The following CEP112 variants were observed in gnomAD, a reference collection of about 807,000 sequenced individuals.
CEP112 encodes centrosomal protein 112.
CEP112 carries 127 observed loss-of-function variants against 153.0 expected under a neutral mutation model. The ratio of observed to expected loss-of-function variants is 0.83; its 90% CI spans 0.72 to 0.96. The LOEUF is 0.96. Among genes scored for constraint, CEP112 ranks in the 40% least tolerant of loss-of-function variants. The pLI is 0.00. For missense variants in CEP112, 1,089 were observed against 1,101.2 expected (o/e 0.99, Z 0.16); for synonymous variants, 358 against 374.4 (o/e 0.96, Z 0.51).
intron 22 of CEP112, among the ~76,000 whole-genome samples, chr17:65,747,468 G>C (rs1459910515): frequency 2.0e-5 from 3 of 152,156 alleles, no homozygotes; most frequent in African/African-American, 7.2e-5. Flanking sequence ...TGGACATTCT[G>C]GCAAAATGGC....
Position 65,902,240 on chromosome 17 carries a change from C to T in CEP112, c.2075G>A (p.Arg692Gln), listed in dbSNP as rs1369572754. 9.3e-6 allele frequency: 15 copies of T among 1,613,866 alleles called. No individual in the cohort carries two copies. Among genetic ancestry groups the T allele is most frequent in the East Asian group, 2.2e-5 (1 of 44,866 alleles). ...CTGTTTTTCCAGGTTTTCAATTTCC[C>T]GTTCATGGTCTCGGACTAGGCTATC... ...EKDSLVRDHEREIENLEKQLR... is the reference protein window; with the variant it reads ...EKDSLVRDHEQEIENLEKQLR... The change falls in exon 20 of 27, where the codon CGG becomes CAG. Residue 692 changes from arginine (R) to glutamine (Q), a missense_variant. Arg to Gln is a conservative substitution (Grantham distance 43). Coordinates refer to ENST00000535342, the MANE Select transcript of CEP112 (RefSeq NM_001199165.4).
At chr17:65,920,372 T>TATATATATAG in intron 19 of CEP112, among the ~76,000 whole-genome samples, 1 of 73,142 alleles carries the variant, frequency 1.4e-5, no homozygotes, top group Admixed American at 1.7e-4. Context: ...AATATATATA[T>TATATATATAG]ATATATATAT....
At chr17:65,788,153 C>T (rs907460045) in intron 21 of CEP112, among the ~76,000 whole-genome samples, 1 of 152,114 alleles carries the variant, frequency 6.6e-6, no homozygotes, top group African/African-American at 2.4e-5. Flanking sequence ...CTTTTCTTTA[C>T]CTGAGATGAT....
At chr17:65,967,569 A>G (rs2062458666) in intron 17 of CEP112, among the ~76,000 whole-genome samples, 1 of 152,190 alleles carries the variant, frequency 6.6e-6, no homozygotes, top group South Asian at 2.1e-4. Context: ...AAATGATGCA[A>G]TATCGTACAC....
At chr17:65,665,456 T>C (rs1280289989) in intron 24 of CEP112, among the ~76,000 whole-genome samples, 2 of 152,184 alleles carry the variant, frequency 1.3e-5, no homozygotes, top group Admixed American at 6.5e-5. Context: ...AGGTCTCTGC[T>C]AGAATTAGAG....
At chr17:66,016,901 G>A (rs2064799454) in intron 16 of CEP112, among the ~76,000 whole-genome samples, 1 of 152,132 alleles carries the variant, frequency 6.6e-6, no homozygotes, top group Non-Finnish European at 1.5e-5. Flanking sequence ...CAGATGGCAT[G>A]GATTTGTGTC....
chr17:66,178,887 CAAG>C (rs1450975453), intron 2 of CEP112, among the ~76,000 whole-genome samples: 1 of 152,060 alleles, frequency 6.6e-6, no homozygotes, highest in East Asian at 1.9e-4. Flanking sequence ...TTACTTTGTA[CAAG>C]AAGATACAAA....
intron 8 of CEP112, among the ~76,000 whole-genome samples, chr17:66,070,240 A>C (rs540996212): frequency 7.9e-5 from 12 of 152,288 alleles, no homozygotes; most frequent in Admixed American, 1.3e-4. Context: ...AAAACTGACA[A>C]TATGAAGTAC....
intron 17 of CEP112, among the ~76,000 whole-genome samples, chr17:65,970,475 T>G (rs80126287): frequency 0.05 from 2,808 of 55,620 alleles, 18 homozygotes; most frequent in South Asian, 0.23. Flanking sequence ...CATGCATGTA[T>G]ATTACATGCA....
At chr17:66,074,556 A>G (rs1051855259) in intron 8 of CEP112, among the ~76,000 whole-genome samples, 1 of 152,098 alleles carries the variant, frequency 6.6e-6, no homozygotes, top group African/African-American at 2.4e-5. Context: ...CAAACTGCTG[A>G]AAAACAAAAA....
intron 7 of CEP112, 113 bp from the exon 8 acceptor site, chr17:66,096,441 G>A (rs2068347969): frequency 6.8e-6 from 8 of 1,168,774 alleles, no homozygotes; most frequent in African/African-American, 1.5e-5. Context: ...TAACACTGCA[G>A]GAAAAAATCA....
intron 19 of CEP112, among the ~76,000 whole-genome samples, chr17:65,908,912 C>T (rs1231923320): frequency 6.6e-6 from 1 of 152,132 alleles, no homozygotes; most frequent in Admixed American, 6.5e-5. Flanking sequence ...CATTCTAGGT[C>T]CCAAGAAAGA....
At chr17:65,997,115 G>A (rs1436180535) in intron 17 of CEP112, among the ~76,000 whole-genome samples, 1 of 152,148 alleles carries the variant, frequency 6.6e-6, no homozygotes, top group Admixed American at 6.5e-5. Context: ...GGAGACTGAG[G>A]CAGAAGAATT....
At chr17:65,730,252 G>GT (rs2050426585) in intron 23 of CEP112, among the ~76,000 whole-genome samples, 1 of 152,258 alleles carries the variant, frequency 6.6e-6, no homozygotes, top group Admixed American at 6.5e-5. Context: ...AAGCTTTGGG[G>GT]TAAAAAAAAC....
chr17:66,101,849 G>T (rs2068582532), intron 6 of CEP112, among the ~76,000 whole-genome samples: 1 of 151,892 alleles, frequency 6.6e-6, no homozygotes, highest in African/African-American at 2.4e-5. Context: ...GAAAGACACT[G>T]CAAAAAACTT....
At position 65,662,177 on chromosome 17, in the gene CEP112, C is replaced by G. The variant is rs370929200; in HGVS notation, c.2698-21112G>C. On this transcript the variant is annotated intron_variant, in intron 24 of 26. Transcript: ENST00000535342. ...AGAGACTGGGTTTTACCATGTTGCC[C>G]AGCCTGGTGGTAATGAATATTAACT... Among the ~76,000 whole-genome samples, 41 of 152,198 alleles carry G rather than the reference C, an allele frequency of 2.7e-4. 1 individual carries two copies. The East Asian group carries it at 6.4e-3, about 24-fold the overall frequency.
At chr17:65,723,683 A>G (rs1308086144) in intron 23 of CEP112, among the ~76,000 whole-genome samples, 1 of 152,208 alleles carries the variant, frequency 6.6e-6, no homozygotes, top group African/African-American at 2.4e-5. Flanking sequence ...GAACTAGTCT[A>G]TTTGTTTTGG....
intron 20 of CEP112, among the ~76,000 whole-genome samples, chr17:65,885,969 C>CTA (rs1370864919): frequency 6.6e-6 from 1 of 152,150 alleles, no homozygotes; most frequent in Non-Finnish European, 1.5e-5. Context: ...TCACGTGAAC[C>CTA]TATATATATG....
In CEP112 at chr17:65,858,849, G is replaced by A. The variant is rs959342737; in HGVS notation, c.2164-6815C>T. Among the ~76,000 whole-genome samples, 21 of 152,062 alleles carry A rather than the reference G, an allele frequency of 1.4e-4. 1 individual carries two copies. On this transcript the variant is annotated intron_variant, in intron 20 of 26. Coordinates refer to ENST00000535342, the MANE Select transcript of CEP112 (RefSeq NM_001199165.4). Reference sequence around the variant, plus strand: ...GAACTTATTTTTGATTAGGAAATACGTTGACATTGATAAGAATTTATAAGC... The same window carrying A: ...GAACTTATTTTTGATTAGGAAATACATTGACATTGATAAGAATTTATAAGC...
Sources: allele counts gnomAD v4.1 joint callset (sites outside exome capture counted in the v4.1 genomes callset), GRCh38; gene constraint gnomAD v4.1.1; transcripts MANE v1.5; gene names NCBI Gene and HGNC (gene_info 2026-07-23, HGNC 2026-07-21).